The following XKR9 variants were observed in gnomAD, a reference collection of about 807,000 sequenced individuals.
XKR9 encodes XK related 9, also known as XK-related protein 9.
In XKR9, 32 loss-of-function variants were observed where a neutral mutation model predicts 32.0. The observed-to-expected ratio is 1.00, with a 90% confidence interval of 0.76 to 1.34. XKR9 has a LOEUF of 1.34. Among genes scored for constraint, XKR9 ranks in the 40% most tolerant of loss-of-function variants. XKR9 has a pLI of 0.00. For missense variants in XKR9, 546 were observed against 429.7 expected, an observed-to-expected ratio of 1.27 and a Z score of -2.39; for synonymous variants, 168 against 143.4, an observed-to-expected ratio of 1.17 and a Z score of -1.22.
At chr8:70,777,564 CT>C (rs1563477459) in intron 2 of XKR9, among the ~76,000 whole-genome samples, 1 of 152,126 alleles carries the variant, frequency 6.6e-6, no homozygotes. Flanking sequence ...CTAATTTACA[CT>C]CCCACCAACA....
chr8:70,821,699 C>G, the XKR9 span, among the ~76,000 whole-genome samples: 1 of 152,218 alleles, frequency 6.6e-6, no homozygotes, highest in Non-Finnish European at 1.5e-5. Context: ...GGGGCTTGCA[C>G]CCTCTGAAGC....
rs748473487 is a variant in XKR9 at position 70,705,827 on chromosome 8, A to G, written c.273-1106A>G. The stretch of plus-strand genomic sequence containing the variant: ...GGGGAGCAAGAGTAGAATCAGAGAG[A>G]CCAATTATGAGGTTGTTGAAAGAAT... On this transcript the variant is annotated intron_variant, in intron 3 of 4. Transcript: ENST00000408926. Among the ~76,000 whole-genome samples the G allele has an allele frequency of 5.9e-5, 9 of 152,040 alleles. No homozygotes were observed. In the South Asian group the frequency reaches 1.5e-3, roughly 25 times the overall value.
chr8:70,750,049 G>A (rs895177928), intron 2 of XKR9, among the ~76,000 whole-genome samples: 2 of 152,088 alleles, frequency 1.3e-5, no homozygotes, highest in Admixed American at 6.6e-5. Context: ...ATGCACTTAT[G>A]TGCATGGTAG....
At chr8:70,800,114 A>G in the XKR9 span, among the ~76,000 whole-genome samples, 4 of 152,216 alleles carry the variant, frequency 2.6e-5, no homozygotes, top group Non-Finnish European at 5.9e-5. Flanking sequence ...ATCTATTGAG[A>G]TAATCATATG....
the XKR9 span, among the ~76,000 whole-genome samples, chr8:71,009,855 A>G: frequency 1.3e-5 from 2 of 152,224 alleles, no homozygotes; most frequent in African/African-American, 2.4e-5. Context: ...GGCAAATTAA[A>G]TAAATACACC....
chr8:70,694,277 TA>T (rs1441814619), intron 3 of XKR9, among the ~76,000 whole-genome samples: 13 of 152,180 alleles, frequency 8.5e-5, no homozygotes, highest in Admixed American at 7.9e-4. Flanking sequence ...CACATTTTAG[TA>T]GAGCAGCTGT....
At chr8:70,947,677 C>G in the XKR9 span, among the ~76,000 whole-genome samples, 2 of 152,222 alleles carry the variant, frequency 1.3e-5, no homozygotes, top group African/African-American at 4.8e-5. Context: ...TACCTAGGCT[C>G]ACTTGTGAAC....
At chr8:70,671,329 ATTT>A (rs59871501) in intron 1 of XKR9, among the ~76,000 whole-genome samples, 68,443 of 98,672 alleles carry the variant, frequency 0.69, 28,163 homozygotes, top group Middle Eastern at 0.86. Context: ...ACATGATCTC[ATTT>A]TTTTTTTTTT....
the XKR9 span, among the ~76,000 whole-genome samples, chr8:71,027,114 G>A: frequency 6.6e-6 from 1 of 151,906 alleles, no homozygotes; most frequent in African/African-American, 2.4e-5. Flanking sequence ...TCAAATATTG[G>A]CAGTTTTATA....
intron 2 of XKR9, among the ~76,000 whole-genome samples, chr8:70,763,371 T>A (rs916917594): frequency 3.3e-5 from 5 of 152,156 alleles, no homozygotes; most frequent in African/African-American, 9.7e-5. Flanking sequence ...TCCAGCTAAC[T>A]TTTTTCAGAT....
intron 3 of XKR9, among the ~76,000 whole-genome samples, chr8:70,687,341 T>TCTTTCTTTCTTTCTTTCTTTCTCTCTTTC (rs1819326551): frequency 4.7e-5 from 7 of 149,714 alleles, no homozygotes; most frequent in African/African-American, 1.7e-4. Flanking sequence ...TTTCTTTCTT[T>TCTTTCTTTCTTTCTTTCTTTCTCTCTTTC]CTTTCTTTCT....
At chr8:70,814,906 TA>T in the XKR9 span, among the ~76,000 whole-genome samples, 1 of 152,246 alleles carries the variant, frequency 6.6e-6, no homozygotes, top group African/African-American at 2.4e-5. Context: ...TTTCTGTATA[TA>T]AAAGCAGTGT....
chr8:70,775,599 T>G (rs1807507676), intron 2 of XKR9, among the ~76,000 whole-genome samples: 1 of 152,178 alleles, frequency 6.6e-6, no homozygotes, highest in Non-Finnish European at 1.5e-5. Context: ...TGGTGGATTA[T>G]ATTATTTTCA....
the XKR9 span, among the ~76,000 whole-genome samples, chr8:70,839,436 A>AT: frequency 6.6e-6 from 1 of 152,160 alleles, no homozygotes; most frequent in Non-Finnish European, 1.5e-5. Context: ...TGGTGTTTAA[A>AT]TACGTGCTCA....
At chr8:70,951,062 A>G in the XKR9 span, among the ~76,000 whole-genome samples, 1 of 152,038 alleles carries the variant, frequency 6.6e-6, no homozygotes, top group African/African-American at 2.4e-5. Context: ...AGTTACATCT[A>G]TTATTCCTTT....
At chr8:70,817,117 G>A in the XKR9 span, among the ~76,000 whole-genome samples, 1 of 151,960 alleles carries the variant, frequency 6.6e-6, no homozygotes. Context: ...CATCGTACTG[G>A]AAGTTCTAGC....
the XKR9 span, among the ~76,000 whole-genome samples, chr8:70,924,010 AAAAACT>A: frequency 1.3e-5 from 2 of 152,192 alleles, no homozygotes; most frequent in South Asian, 2.1e-4. Flanking sequence ...TGGTTCTCTC[AAAAACT>A]AAAAAGCCCT....
At chr8:70,797,529 C>A in the XKR9 span, among the ~76,000 whole-genome samples, 1 of 151,964 alleles carries the variant, frequency 6.6e-6, no homozygotes, top group Non-Finnish European at 1.5e-5. Flanking sequence ...CTTTTAGCAG[C>A]CCTTGGTCTC....
At chr8:71,013,455 C>A in the XKR9 span, among the ~76,000 whole-genome samples, 1 of 152,162 alleles carries the variant, frequency 6.6e-6, no homozygotes, top group Non-Finnish European at 1.5e-5. Context: ...CATACAGCCC[C>A]ACAGTGGGGA....
Sources: gnomAD v4.1 joint callset for allele counts (sites outside exome capture counted in the v4.1 genomes callset) on GRCh38, gnomAD v4.1.1 for gene constraint, MANE v1.5 for transcripts, NCBI Gene and HGNC (gene_info 2026-07-23, HGNC 2026-07-21) for gene names.